Variants in PCDH9 observed in about 807,000 individuals in gnomAD.
The protein encoded by PCDH9 is protocadherin-9.
A neutral mutation model predicts 70.6 loss-of-function variants in PCDH9; 24 were observed. The observed-to-expected ratio is 0.34, with a 90% CI of 0.25 to 0.48. The LOEUF (loss-of-function observed/expected upper bound fraction) is 0.48, where lower values mean the gene tolerates loss of function less well. Among genes scored for constraint, PCDH9 ranks in the 20% least tolerant of loss-of-function variants. The probability of loss-of-function intolerance (pLI) is 0.99; values close to 1 mark genes in which losing one functional copy is unlikely to be tolerated. For synonymous variants in PCDH9, 562 were observed against 558.5 expected, an observed-to-expected ratio of 1.01 and a Z score of -0.09; for missense variants, 1,281 against 1,503.6, an observed-to-expected ratio of 0.85 and a Z score of 2.45.
At chr13:66,632,371 G>T (rs2077583007) in intron 3 of PCDH9, among the ~76,000 whole-genome samples, 1 of 152,172 alleles carries the variant, frequency 6.6e-6, no homozygotes, top group Admixed American at 6.5e-5. Flanking sequence ...TACATAAAAA[G>T]AAGACTATAT....
intron 3 of PCDH9, among the ~76,000 whole-genome samples, chr13:66,897,392 A>G (rs1401832043): frequency 6.6e-6 from 1 of 152,118 alleles, no homozygotes. Context: ...GTTTGTGAGC[A>G]AAAAACAGAG....
chr13:66,780,227 A>G (rs2079976298), intron 3 of PCDH9, among the ~76,000 whole-genome samples: 1 of 152,188 alleles, frequency 6.6e-6, no homozygotes, highest in African/African-American at 2.4e-5. Context: ...AACTGTAGAC[A>G]ATAAAACTTA....
intron 3 of PCDH9, among the ~76,000 whole-genome samples, chr13:66,767,851 T>C (rs367765126): frequency 2.6e-4 from 40 of 152,080 alleles, no homozygotes; most frequent in African/African-American, 8.9e-4. Flanking sequence ...ATTGAAACCA[T>C]GTAAATATTC....
chr13:66,322,995 C>CA (rs1226264330), intron 4 of PCDH9, among the ~76,000 whole-genome samples: 2 of 151,802 alleles, frequency 1.3e-5, no homozygotes, highest in African/African-American at 4.8e-5. Flanking sequence ...ATTTTTAAAG[C>CA]AAAAATATAG....
rs1029548469 is a variant in PCDH9 at position 66,631,322 on chromosome 13, A to G, written c.3228T>C (p.Ser1076=). 1.2e-5 allele frequency: 19 copies of G among 1,605,018 alleles called. No homozygotes were observed. The highest frequency in any genetic ancestry group is 9.4e-5 in the African/African-American group (7 of 74,702). ...GAAGAGGGTGTGAGATCAGGGTTCC[A>G]CTACCCACCGGCTCATGGTCTCCTA... ...SGLGDHEPVG[S]GTLISHPLPL... The change falls in exon 4 of 5, where the codon AGT becomes AGC. Residue 1076 remains serine, a synonymous_variant. Transcript: ENST00000377865.
At chr13:66,953,067 T>G (rs2083209747) in intron 2 of PCDH9, among the ~76,000 whole-genome samples, 1 of 145,100 alleles carries the variant, frequency 6.9e-6, no homozygotes, top group Non-Finnish European at 1.5e-5. Flanking sequence ...TGAATTAAAA[T>G]ATTTCTATAG....
chr13:66,442,812 T>C (rs1958000660), intron 4 of PCDH9, among the ~76,000 whole-genome samples: 1 of 152,180 alleles, frequency 6.6e-6, no homozygotes, highest in African/African-American at 2.4e-5. Flanking sequence ...TTGCTCATCA[T>C]AATATTTTCT....
intron 4 of PCDH9, among the ~76,000 whole-genome samples, chr13:66,452,795 G>A (rs984108508): frequency 1.3e-5 from 2 of 152,052 alleles, no homozygotes; most frequent in African/African-American, 4.8e-5. Flanking sequence ...TGATTATACA[G>A]GCAAATGTAT....
chr13:66,572,724 C>T (rs1474888910), intron 4 of PCDH9, among the ~76,000 whole-genome samples: 1 of 152,048 alleles, frequency 6.6e-6, no homozygotes, highest in Non-Finnish European at 1.5e-5. Flanking sequence ...GGATATATAC[C>T]TAGCAGTGAG....
chr13:67,122,069 A>T (rs2086887933), intron 2 of PCDH9, among the ~76,000 whole-genome samples: 1 of 152,134 alleles, frequency 6.6e-6, no homozygotes, highest in Non-Finnish European at 1.5e-5. Context: ...TGAATAACTG[A>T]ATTACAGATG....
intron 4 of PCDH9, among the ~76,000 whole-genome samples, chr13:66,445,379 T>C (rs1329394233): frequency 2.7e-5 from 4 of 147,054 alleles, no homozygotes; most frequent in African/African-American, 9.9e-5. Flanking sequence ...TATATTTACA[T>C]ATGCATATAT....
intron 3 of PCDH9, among the ~76,000 whole-genome samples, chr13:66,846,692 T>C (rs1869320120): frequency 6.6e-6 from 1 of 152,238 alleles, no homozygotes; most frequent in Admixed American, 6.5e-5. Flanking sequence ...ATCAGGTGAA[T>C]ATCCATCTCT....
intron 2 of PCDH9, among the ~76,000 whole-genome samples, chr13:66,974,632 C>T (rs2083583436): frequency 6.6e-6 from 1 of 151,952 alleles, no homozygotes; most frequent in Admixed American, 6.6e-5. Context: ...AATTTATTGG[C>T]AAATTGTTTG....
intron 4 of PCDH9, among the ~76,000 whole-genome samples, chr13:66,382,413 C>T (rs769580560): frequency 6.6e-6 from 1 of 150,448 alleles, no homozygotes; most frequent in African/African-American, 2.5e-5. Context: ...AATATAGCTG[C>T]TAAGTTGAGT....
intron 4 of PCDH9, among the ~76,000 whole-genome samples, chr13:66,380,006 T>A (rs946078740): frequency 6.6e-6 from 1 of 152,152 alleles, no homozygotes; most frequent in Admixed American, 6.5e-5. Context: ...TTCCAAGAAT[T>A]TCACGTAGAA....
chr13:66,929,089 A>G lies in PCDH9; in HGVS notation c.3037-25484T>C, dbSNP rs2082762637. On this transcript the variant is annotated intron_variant, in intron 2 of 4. Transcript: ENST00000377865. ...CTTACCTTTAAGTTAATAACTTTTT[A>G]GCAAAATATGAACATGTTTTCATTT... 2.6e-5 allele frequency among the ~76,000 whole-genome samples: 4 copies of G among 152,130 alleles called. No individual in the cohort carries two copies. In the South Asian group the frequency reaches 8.3e-4, roughly 32 times the overall value.
intron 3 of PCDH9, among the ~76,000 whole-genome samples, chr13:66,649,684 G>A (rs561779419): frequency 1.9e-4 from 29 of 151,980 alleles, no homozygotes; most frequent in Non-Finnish European, 2.2e-4. Context: ...CTGTTCTTGC[G>A]GTGTTTAAAC....
intron 3 of PCDH9, among the ~76,000 whole-genome samples, chr13:66,718,218 T>C (rs2078896390): frequency 6.6e-6 from 1 of 152,204 alleles, no homozygotes; most frequent in African/African-American, 2.4e-5. Context: ...TTAGAATTCA[T>C]ATTTGCTAAT....
chr13:66,617,875 C>A (rs1041631323), intron 4 of PCDH9, among the ~76,000 whole-genome samples: 1 of 151,752 alleles, frequency 6.6e-6, no homozygotes, highest in African/African-American at 2.4e-5. Flanking sequence ...CACAAAACGG[C>A]GTCCCCTGTC....
Sources: allele counts gnomAD v4.1 joint callset (sites outside exome capture counted in the v4.1 genomes callset), GRCh38; gene constraint gnomAD v4.1.1; transcripts MANE v1.5; gene names NCBI Gene and HGNC (gene_info 2026-07-23, HGNC 2026-07-21).